The following ROBO1 variants were observed in gnomAD, a reference collection of about 807,000 sequenced individuals.
ROBO1 encodes the protein roundabout guidance receptor 1.
ROBO1 carries 149 observed loss-of-function variants against 195.9 expected under a neutral mutation model. The ratio of observed to expected loss-of-function variants is 0.76; its 90% CI spans 0.67 to 0.87. The LOEUF (loss-of-function observed/expected upper bound fraction) is 0.87, where lower values mean the gene tolerates loss of function less well. Ranked by LOEUF, ROBO1 falls within the 40% of genes least tolerant of loss-of-function variation. The pLI is 0.00. For missense variants in ROBO1, 1,933 were observed against 2,068.3 expected (o/e 0.93, Z 1.27); for synonymous variants, 816 against 733.2 (o/e 1.11, Z -1.82).
chr3:78,758,459 A>G (rs1576103566), intron 4 of ROBO1, among the ~76,000 whole-genome samples: 1 of 150,088 alleles, frequency 6.7e-6, no homozygotes, highest in East Asian at 2.0e-4. Flanking sequence ...AGAGGTCAAG[A>G]AGGCTTCAGT....
intron 3 of ROBO1, among the ~76,000 whole-genome samples, chr3:79,086,017 C>T (rs570811380): frequency 7.0e-4 from 106 of 152,110 alleles, no homozygotes; most frequent in African/African-American, 2.4e-3. Flanking sequence ...AGCCTATTAA[C>T]GGCCAGCTAA....
intron 2 of ROBO1, among the ~76,000 whole-genome samples, chr3:79,142,363 C>G (rs533644914): frequency 1.2e-4 from 19 of 152,194 alleles, no homozygotes; most frequent in African/African-American, 3.9e-4. Context: ...AGGCAGTCCT[C>G]TATAAATGTT....
intron 5 of ROBO1, among the ~76,000 whole-genome samples, chr3:78,745,151 T>C (rs1047327362): frequency 2.0e-5 from 3 of 151,640 alleles, no homozygotes; most frequent in African/African-American, 7.3e-5. Context: ...CTACTAAAAA[T>C]ACAAAAATTA....
At chr3:79,448,052 T>TATATAAGTTG (rs2039323451) in intron 2 of ROBO1, among the ~76,000 whole-genome samples, 1 of 152,224 alleles carries the variant, frequency 6.6e-6, no homozygotes, top group South Asian at 2.1e-4. Context: ...TTTGGTATGT[T>TATATAAGTTG]ATATAAGTTG....
chr3:79,071,736 ACACG>A (rs2079094437), intron 3 of ROBO1, among the ~76,000 whole-genome samples: 2 of 42,140 alleles, frequency 4.7e-5, no homozygotes, highest in Non-Finnish European at 9.7e-5. Context: ...ACACACACAC[ACACG>A]CACACACACA....
chr3:79,446,058 C>T (rs2039243705), intron 2 of ROBO1, among the ~76,000 whole-genome samples: 1 of 152,156 alleles, frequency 6.6e-6, no homozygotes, highest in African/African-American at 2.4e-5. Flanking sequence ...TCAGCCTCCC[C>T]TTGTGCTAGG....
At chr3:79,337,563 T>A (rs1262193683) in intron 2 of ROBO1, among the ~76,000 whole-genome samples, 1 of 152,196 alleles carries the variant, frequency 6.6e-6, no homozygotes, top group East Asian at 1.9e-4. Flanking sequence ...GTGAGTCAAT[T>A]AAACCTCTTT....
chr3:79,572,340 A>C (rs1943305919), intron 2 of ROBO1, among the ~76,000 whole-genome samples: 1 of 152,104 alleles, frequency 6.6e-6, no homozygotes, highest in South Asian at 2.1e-4. Flanking sequence ...TAGATGAAAC[A>C]CTTCAATCTG....
intron 1 of ROBO1, among the ~76,000 whole-genome samples, chr3:79,726,222 C>A (rs1171576447): frequency 6.6e-6 from 1 of 152,116 alleles, no homozygotes; most frequent in East Asian, 1.9e-4. Context: ...GGGGCATAAT[C>A]CTCTCCCAGG....
chr3:78,619,167 A>G (rs1704300905), intron 26 of ROBO1, among the ~76,000 whole-genome samples: 1 of 152,200 alleles, frequency 6.6e-6, no homozygotes, highest in African/African-American at 2.4e-5. Context: ...GGACTTTCAG[A>G]TGGAAAGGTC....
At chr3:79,583,122 A>G (rs1943711544) in intron 2 of ROBO1, among the ~76,000 whole-genome samples, 1 of 151,904 alleles carries the variant, frequency 6.6e-6, no homozygotes, top group Non-Finnish European at 1.5e-5. Context: ...CTCCTCTATA[A>G]AATACTTATG....
intron 12 of ROBO1, 72 bp from the exon 13 acceptor site, chr3:78,668,374 C>T (rs1707862398): frequency 1.9e-6 from 3 of 1,588,366 alleles, no homozygotes; most frequent in African/African-American, 1.3e-5. Flanking sequence ...ATGCAGATAA[C>T]ATATTCATAC....
chr3:78,681,631 G>A (rs1200723400), intron 10 of ROBO1, among the ~76,000 whole-genome samples: 4 of 152,090 alleles, frequency 2.6e-5, no homozygotes, highest in Non-Finnish European at 4.4e-5. Flanking sequence ...GCAGCCAGGC[G>A]CGGTGGCTCA....
chr3:79,532,450 G>T (rs1338527162), intron 2 of ROBO1, among the ~76,000 whole-genome samples: 1 of 152,120 alleles, frequency 6.6e-6, no homozygotes, highest in African/African-American at 2.4e-5. Context: ...ATTATAAAAT[G>T]ACAAGGTATG....
At chr3:79,256,157 G>T (rs898096111) in intron 2 of ROBO1, among the ~76,000 whole-genome samples, 3 of 152,138 alleles carry the variant, frequency 2.0e-5, no homozygotes, top group Non-Finnish European at 4.4e-5. Context: ...TAAGAACAGG[G>T]ATTCTTCCAT....
chr3:79,645,930 C>T (rs1302080776), intron 1 of ROBO1, among the ~76,000 whole-genome samples: 1 of 152,080 alleles, frequency 6.6e-6, no homozygotes, highest in African/African-American at 2.4e-5. Context: ...AAACTCAACT[C>T]AAAATGTATT....
chr3:79,751,604 G>A (rs1449939178), intron 1 of ROBO1, among the ~76,000 whole-genome samples: 2 of 152,102 alleles, frequency 1.3e-5, no homozygotes, highest in Admixed American at 1.3e-4. Flanking sequence ...ACTGTTAAAT[G>A]TACAAGTGAA....
At chr3:79,662,118 TG>T (rs1438437136) in intron 1 of ROBO1, among the ~76,000 whole-genome samples, 1 of 152,036 alleles carries the variant, frequency 6.6e-6, no homozygotes, top group Non-Finnish European at 1.5e-5. Context: ...TAACCGTGGC[TG>T]CTATTACACA....
Position 79,589,903 on chromosome 3 carries a change from C to T in ROBO1, c.9G>A (p.Trp3Ter). 2 of 1,609,964 alleles carry T rather than the reference C, an allele frequency of 1.2e-6. No individual in the cohort carries two copies. The highest frequency in any genetic ancestry group is 8.5e-7 in the Non-Finnish European group (1 of 1,177,122). The change falls in exon 2 of 31, where the codon TGG becomes TGA. Residue 3 changes from tryptophan to a stop codon, truncating the protein, a stop_gained. Transcript: ENST00000464233. LOFTEE classifies it high-confidence loss of function. MK[W>*]KHVPFLVMIS... is the part of the protein sequence containing the mutation. The stretch of plus-strand genomic sequence containing the variant: ...TCATGACCAAAAAAGGAACATGTTT[C>T]CATTTCATCTTTGTCCCTTCCTTGC...
Sources: allele counts gnomAD v4.1 joint callset (sites outside exome capture counted in the v4.1 genomes callset), GRCh38; gene constraint gnomAD v4.1.1; transcripts MANE v1.5; gene names NCBI Gene and HGNC (gene_info 2026-07-23, HGNC 2026-07-21).